PKIB: variants seen among roughly 807,000 people sequenced by gnomAD.
PKIB encodes PKI-beta.
A neutral mutation model predicts 4.5 loss-of-function variants in PKIB; 2 were observed. That is an observed-to-expected ratio of 0.44 (90% CI 0.18 to 1.39). The LOEUF is 1.39. Among genes scored for constraint, PKIB ranks in the 40% most tolerant of loss-of-function variants. The pLI is 0.27. For missense variants in PKIB, 94 were observed against 92.6 expected (o/e 1.02, Z -0.06); for synonymous variants, 38 against 36.0 (o/e 1.06, Z -0.20).
intron 2 of PKIB, among the ~76,000 whole-genome samples, chr6:122,569,103 G>A (rs1012727500): frequency 8.5e-5 from 13 of 152,128 alleles, no homozygotes; most frequent in Non-Finnish European, 1.9e-4. Context: ...GACCCTCATA[G>A]GGCCTGTGGC....
In PKIB at chr6:122,644,180, A is replaced by T. The variant is rs974500618; in HGVS notation, c.-76+10813A>T. The T allele has an allele frequency of 3.3e-5, 5 of 152,240 alleles. No individual in the cohort carries two copies. The East Asian group carries it at 9.6e-4, about 29-fold the overall frequency. 9.4% of individuals were successfully genotyped at this position (152,240 alleles called of 1,614,324 possible). A position where few individuals can be genotyped will look rare whatever the true frequency, so the allele number is the denominator to read the frequency against. On this transcript the variant is annotated intron_variant, in intron 2 of 4. Coordinates refer to ENST00000368452, the MANE Select transcript of PKIB (RefSeq NM_181795.3). The stretch of plus-strand genomic sequence containing the variant: ...GTACATCATAGTTTAATCATATCAC[A>T]TAAAGTTGTGATTTCAGGAATACTT...
At chr6:122,610,621 C>G (rs908286926) in intron 1 of PKIB, 86 bp downstream of exon 1, 3 of 152,360 alleles carry the variant, frequency 2.0e-5, no homozygotes, top group Admixed American at 2.0e-4. Context: ...GGGAGACTGA[C>G]CCAGGGAAGA....
chr6:122,688,802 A>T (rs1356208151), intron 3 of PKIB, among the ~76,000 whole-genome samples: 2 of 144,068 alleles, frequency 1.4e-5, no homozygotes, highest in East Asian at 2.0e-4. Flanking sequence ...TTTTTTTGAG[A>T]CAGAGTCTTG....
chr6:122,676,587 A>T (rs983201421), intron 3 of PKIB, among the ~76,000 whole-genome samples: 5 of 152,226 alleles, frequency 3.3e-5, no homozygotes, highest in African/African-American at 1.2e-4. Flanking sequence ...TGACTACCCT[A>T]GATCATTTTA....
intron 1 of PKIB, among the ~76,000 whole-genome samples, chr6:122,477,316 A>G (rs1347199064): frequency 6.6e-6 from 1 of 152,094 alleles, no homozygotes; most frequent in Non-Finnish European, 1.5e-5. Flanking sequence ...AAGCAATCAT[A>G]TTTTTCTTTG....
intron 3 of PKIB, among the ~76,000 whole-genome samples, chr6:122,703,764 A>G (rs1208170154): frequency 6.6e-6 from 1 of 150,926 alleles, no homozygotes; most frequent in African/African-American, 2.4e-5. Flanking sequence ...GAGCTTTTAC[A>G]TATATACATA....
intron 2 of PKIB, among the ~76,000 whole-genome samples, chr6:122,534,551 C>T (rs1341826541): frequency 2.0e-5 from 3 of 152,038 alleles, no homozygotes; most frequent in East Asian, 1.9e-4. Flanking sequence ...AGCACTAGCA[C>T]GGAGGCTACT....
At chr6:122,695,451 A>G (rs1026563695) in intron 3 of PKIB, among the ~76,000 whole-genome samples, 6 of 152,120 alleles carry the variant, frequency 3.9e-5, no homozygotes, top group Non-Finnish European at 8.8e-5. Flanking sequence ...AAAATTATGC[A>G]CATTATTCAA....
chr6:122,579,617 T>G lies in PKIB; in HGVS notation c.-247-6304T>G, dbSNP rs146633528. ...TTTAAAATATCATGTATTTTATGATTTATTCAAATTTTAAAATTTGAGATG... is the reference window on the plus strand; with the variant it reads ...TTTAAAATATCATGTATTTTATGATGTATTCAAATTTTAAAATTTGAGATG... On this transcript the variant is annotated intron_variant, in intron 2 of 6. Coordinates refer to the PKIB transcript ENST00000392491. Among the ~76,000 whole-genome samples the G allele has an allele frequency of 2.1e-3, 318 of 152,322 alleles. 1 individual carries two copies. The highest frequency in any genetic ancestry group is 7.2e-3 in the African/African-American group (301 of 41,576).
chr6:122,563,009 C>T (rs1378484490), intron 2 of PKIB, among the ~76,000 whole-genome samples: 1 of 152,100 alleles, frequency 6.6e-6, no homozygotes, highest in African/African-American at 2.4e-5. Context: ...TGGTGCACTA[C>T]TGTGATTTTT....
chr6:122,572,353 AT>A (rs2114693629), intron 2 of PKIB, among the ~76,000 whole-genome samples: 1 of 152,310 alleles, frequency 6.6e-6, no homozygotes, highest in Non-Finnish European at 1.5e-5. Context: ...ATACATGGAA[AT>A]TAAATAATCT....
At chr6:122,584,199 TAA>T (rs1173007902) in intron 2 of PKIB, among the ~76,000 whole-genome samples, 1 of 152,090 alleles carries the variant, frequency 6.6e-6, no homozygotes, top group Non-Finnish European at 1.5e-5. Flanking sequence ...TAAAAATGGT[TAA>T]GTTATTAAGC....
At chr6:122,679,870 G>A (rs1777827345) in intron 3 of PKIB, among the ~76,000 whole-genome samples, 1 of 152,156 alleles carries the variant, frequency 6.6e-6, no homozygotes, top group South Asian at 2.1e-4. Context: ...CCAAAGAAGT[G>A]GAAGCTGAGG....
intron 2 of PKIB, among the ~76,000 whole-genome samples, chr6:122,539,587 T>C (rs1261556776): frequency 6.6e-6 from 1 of 152,134 alleles, no homozygotes; most frequent in Admixed American, 6.5e-5. Flanking sequence ...GGTTTGCCAG[T>C]ATTTTATTGA....
chr6:122,570,664 C>A (rs1307638905), intron 2 of PKIB, among the ~76,000 whole-genome samples: 2 of 151,884 alleles, frequency 1.3e-5, no homozygotes, highest in Non-Finnish European at 2.9e-5. Flanking sequence ...CTGCTAAAAG[C>A]ACCAAGAATT....
intron 2 of PKIB, among the ~76,000 whole-genome samples, chr6:122,584,972 T>C (rs1005645754): frequency 1.3e-5 from 2 of 152,118 alleles, no homozygotes; most frequent in South Asian, 2.1e-4. Flanking sequence ...CCCCTTTCCA[T>C]GTCAATAACC....
At chr6:122,500,258 G>C (rs1431472841) in intron 2 of PKIB, among the ~76,000 whole-genome samples, 2 of 151,864 alleles carry the variant, frequency 1.3e-5, no homozygotes, top group African/African-American at 4.8e-5. Flanking sequence ...TACTCAACAG[G>C]GTTTGAATTT....
intron 2 of PKIB, among the ~76,000 whole-genome samples, chr6:122,486,622 A>G (rs145178481): frequency 3.6e-4 from 54 of 151,372 alleles, no homozygotes; most frequent in African/African-American, 1.3e-3. Context: ...TAGTTTTTCT[A>G]CTAATGTGTA....
chr6:122,511,456 C>T (rs1278388481), intron 2 of PKIB, among the ~76,000 whole-genome samples: 1 of 152,114 alleles, frequency 6.6e-6, no homozygotes, highest in East Asian at 1.9e-4. Flanking sequence ...ACTTTTTTGT[C>T]CTCAGGAGTC....
Sources: allele counts gnomAD v4.1 joint callset (sites outside exome capture counted in the v4.1 genomes callset), GRCh38; gene constraint gnomAD v4.1.1; transcripts MANE v1.5; gene names NCBI Gene and HGNC (gene_info 2026-07-23, HGNC 2026-07-21).